Variants in SPTBN5 observed in about 807,000 individuals in gnomAD.
The protein encoded by SPTBN5 is spectrin beta, non-erythrocytic 5.
Under a neutral mutation model 477.6 loss-of-function variants are expected in SPTBN5, and 513 were observed. The ratio of observed to expected loss-of-function variants is 1.07; its 90% CI spans 1.00 to 1.16. The LOEUF (loss-of-function observed/expected upper bound fraction) is 1.16. Ranked by LOEUF, SPTBN5 falls within the 50% of genes most tolerant of loss-of-function variation. SPTBN5 has a pLI of 0.00. For missense variants in SPTBN5, 5,062 were observed against 4,731.8 expected, an observed-to-expected ratio of 1.07 and a Z score of -2.05; for synonymous variants, 2,169 against 2,011.7, an observed-to-expected ratio of 1.08 and a Z score of -2.09.
intron 43 of SPTBN5, 105 bp from the exon 44 acceptor site, chr15:41,862,397 T>C: frequency 6.6e-7 from 1 of 1,518,842 alleles, no homozygotes; most frequent in Admixed American, 2.0e-5. Flanking sequence ...GGAGGGCCCA[T>C]GGGCTGGGAG....
chr15:41,850,005 T>C lies in SPTBN5; in HGVS notation c.10922-46A>G, dbSNP rs1300195925. 5 of 1,478,640 alleles carry C rather than the reference T, an allele frequency of 3.4e-6. No homozygotes were observed. In the East Asian group the frequency reaches 1.2e-4, roughly 36 times the overall value. The allele number at this position is 1,478,640 out of a possible 1,614,324, so 91.6% of individuals were successfully genotyped here. ...CACTGTTAGCCCGGCCCAGACCATC[T>C]GCAGGCGCCAGGTCTGGCTGCTCCT... On this transcript the variant is annotated intron_variant, in intron 66 of 67. Coordinates refer to ENST00000320955, the MANE Select transcript of SPTBN5 (RefSeq NM_016642.4).
At position 41,856,891 on chromosome 15, in the gene SPTBN5, T is replaced by C. The variant is rs1157128041; in HGVS notation, c.8770A>G (p.Ser2924Gly). The C allele has an allele frequency of 1.3e-6, 2 of 1,551,490 alleles. No homozygotes were observed. The highest frequency in any genetic ancestry group is 3.9e-5 in the Admixed American group (2 of 51,138). Residue 2924 changes from serine to glycine, a missense_variant, in exon 52 of 68, where the codon AGC becomes GGC. Transcript: ENST00000320955. ...PLAAAQDYGQ[S>G]LSAVRHLQEQ... Reference sequence around the variant, plus strand: ...TGCAGGTGCCGCACCGCACTCAGGCTCTGGCCATAGTCCTGGGCAGCGGCC... The same window carrying C: ...TGCAGGTGCCGCACCGCACTCAGGCCCTGGCCATAGTCCTGGGCAGCGGCC...
chr15:41,855,998 T>C (rs1369158054), intron 53 of SPTBN5, among the ~76,000 whole-genome samples: 1 of 152,268 alleles, frequency 6.6e-6, no homozygotes, highest in African/African-American at 2.4e-5. Context: ...AGGCATAGAT[T>C]TTGTCACTTA....
At chr15:41,888,153 T>G (rs1332077005) in intron 4 of SPTBN5, 68 bp from the exon 5 acceptor site, 2 of 1,479,438 alleles carry the variant, frequency 1.4e-6, no homozygotes, top group Non-Finnish European at 1.8e-6. Flanking sequence ...CTGCAGGCTG[T>G]GGGAGAGGCA....
Position 41,854,994 on chromosome 15 carries a change from C to A in SPTBN5, c.9424-18G>T. 6.6e-7 allele frequency: 1 copy of A among 1,522,714 alleles called. No homozygotes were observed. 94.3% of individuals were successfully genotyped at this position (1,522,714 alleles called of 1,614,324 possible). A position where few individuals can be genotyped will look rare whatever the true frequency, so the allele number is the denominator to read the frequency against. On this transcript the variant is annotated intron_variant, in intron 55 of 67. Transcript: ENST00000320955. ...TCCAGCACCTGCAAAGGTATGAGGC[C>A]CAGCAGGGTCACTTGAGATGGTATC... is the stretch of plus-strand genomic sequence containing the variant.
chr15:41,848,234 C>T lies in SPTBN5; in HGVS notation c.*382G>A, dbSNP rs114867913. 1,675 of 494,198 alleles carry T rather than the reference C, an allele frequency of 3.4e-3. 18 individuals are homozygous for T. The highest frequency in any genetic ancestry group is 0.03 in the African/African-American group (1,578 of 51,764). 30.6% of individuals were successfully genotyped at this position (494,198 alleles called of 1,614,324 possible). A position where few individuals can be genotyped will look rare whatever the true frequency, so the allele number is the denominator to read the frequency against. ...GTACATGGCAAGGGCTGGTACAGAG[C>T]TCGCTCATCAGTGTTCTTCCTCCGA... On this transcript the variant is annotated 3_prime_UTR_variant, in exon 68 of 68. Coordinates refer to ENST00000320955, the MANE Select transcript of SPTBN5 (RefSeq NM_016642.4).
chr15:41,891,562 C>T (rs964260506), intron 3 of SPTBN5, among the ~76,000 whole-genome samples: 4 of 152,228 alleles, frequency 2.6e-5, no homozygotes, highest in South Asian at 2.1e-4. Flanking sequence ...GGGGTATTAA[C>T]GCCATAGGAT....
chr15:41,873,689 C>G (rs950307065), intron 25 of SPTBN5, 81 bp from the exon 26 acceptor site: 2 of 1,456,682 alleles, frequency 1.4e-6, no homozygotes, highest in African/African-American at 2.8e-5. Flanking sequence ...CCCCTGCTCT[C>G]CAGCATCAAA....
chr15:41,875,613 C>A lies in SPTBN5; in HGVS notation c.4132G>T (p.Glu1378Ter), dbSNP rs1048135888. ...CCACAGGGCCTCCTACTCAACAGCT[C>A]TCTCCCAACCTGGAGTGGAGATAAA... ...HVEALQQVGR[E>*]LLSRRPCGQE... The change falls in exon 22 of 68, where the codon GAG becomes TAG. Residue 1378 changes from glutamate to a stop codon, truncating the protein, a stop_gained. Transcript: ENST00000320955. LOFTEE classifies it high-confidence loss of function. 13 of 1,587,542 alleles carry A rather than the reference C, an allele frequency of 8.2e-6. No individual in the cohort carries two copies. The Admixed American group carries it at 1.8e-4, about 22-fold the overall frequency.
At chr15:41,851,009 A>T in intron 65 of SPTBN5, 50 bp downstream of exon 65, 1 of 1,595,048 alleles carries the variant, frequency 6.3e-7, no homozygotes, top group Non-Finnish European at 8.5e-7. Flanking sequence ...GCCCCCGCTG[A>T]GCCAGGTGGC....
chr15:41,872,138 C>A (rs917902825), intron 27 of SPTBN5, among the ~76,000 whole-genome samples, 164 bp downstream of exon 27: 7 of 152,242 alleles, frequency 4.6e-5, no homozygotes, highest in African/African-American at 1.4e-4. Context: ...TGGGGCCTCA[C>A]TGAAGAATTT....
chr15:41,864,154 A>T, intron 39 of SPTBN5, 130 bp from the exon 40 acceptor site: 2 of 767,206 alleles, frequency 2.6e-6, no homozygotes, highest in Non-Finnish European at 4.2e-6. Flanking sequence ...AGTGGGAAGA[A>T]CTGCCTCCTG....
intron 66 of SPTBN5, 158 bp from the exon 67 acceptor site, chr15:41,850,117 C>G (rs2065702645): frequency 1.9e-5 from 12 of 635,810 alleles, no homozygotes; most frequent in Non-Finnish European, 2.8e-6. Context: ...GCGGGCTGAG[C>G]ACTTGTGGGC....
chr15:41,863,605 G>T, intron 41 of SPTBN5, 99 bp downstream of exon 41: 1 of 908,228 alleles, frequency 1.1e-6, no homozygotes, highest in Non-Finnish European at 1.8e-6. Context: ...AACAGGAGAG[G>T]CCAGTGAGGG....
intron 5 of SPTBN5, 133 bp from the exon 6 acceptor site, chr15:41,887,574 G>A: frequency 1.3e-6 from 1 of 754,330 alleles, no homozygotes; most frequent in South Asian, 1.7e-5. Context: ...ACAGTTATCT[G>A]AGGCCCTGTT....
chr15:41,856,880 C>T lies in SPTBN5; in HGVS notation c.8781G>A (p.Ala2927=), dbSNP rs569100291. 3.9e-5 allele frequency: 60 copies of T among 1,550,336 alleles called. No homozygotes were observed. The highest frequency in any genetic ancestry group is 1.8e-4 in the African/African-American group (13 of 73,200). The part of the protein sequence containing the change: ...AAQDYGQSLS[A]VRHLQEQHQN... Reference sequence around the variant, plus strand: ...GGTGCTGCTCCTGCAGGTGCCGCACCGCACTCAGGCTCTGGCCATAGTCCT... The same window carrying T: ...GGTGCTGCTCCTGCAGGTGCCGCACTGCACTCAGGCTCTGGCCATAGTCCT... The change falls in exon 52 of 68, where the codon GCG becomes GCA. Residue 2927 remains alanine, a synonymous_variant. Coordinates refer to ENST00000320955, the MANE Select transcript of SPTBN5 (RefSeq NM_016642.4).
At position 41,865,833 on chromosome 15, in the gene SPTBN5, C is replaced by A; in HGVS notation, c.6893G>T (p.Arg2298Leu). 6.4e-7 allele frequency: 1 copy of A among 1,571,246 alleles called. No individual in the cohort carries two copies. The highest frequency in any genetic ancestry group is 8.6e-7 in the Non-Finnish European group (1 of 1,158,912). The part of the protein sequence containing the change: ...EHCLQLRRRL[R>L]EFRGNSAGDT... ...CCCGGCCGAGTTTCCTCGGAACTCG[C>A]GGAGCCGCCGTCGGAGCTGCAGGCA... The change falls in exon 39 of 68, where the codon CGC becomes CTC. Residue 2298 changes from arginine (R) to leucine (L), a missense_variant. Arg to Leu is a moderately radical substitution (Grantham distance 102). Transcript: ENST00000320955.
At chr15:41,866,541 C>T (rs2066321953) in intron 36 of SPTBN5, 48 bp from the exon 37 acceptor site, 2 of 1,475,952 alleles carry the variant, frequency 1.4e-6, no homozygotes, top group African/African-American at 1.4e-5. Flanking sequence ...AGCCTCAGGC[C>T]CCAGACGCCA....
chr15:41,860,980 G>A (rs891775846), intron 46 of SPTBN5, among the ~76,000 whole-genome samples: 2 of 152,282 alleles, frequency 1.3e-5, no homozygotes, highest in Non-Finnish European at 2.9e-5. Context: ...GAATCTCTGA[G>A]GCAAGCAGAG....
Sources: gnomAD v4.1 joint callset for allele counts (sites outside exome capture counted in the v4.1 genomes callset) on GRCh38, gnomAD v4.1.1 for gene constraint, MANE v1.5 for transcripts, NCBI Gene and HGNC (gene_info 2026-07-23, HGNC 2026-07-21) for gene names.